Variants in STRBP observed in about 807,000 individuals in gnomAD.
STRBP encodes the protein spermatid perinuclear RNA binding protein.
STRBP carries 13 observed loss-of-function variants against 80.1 expected under a neutral mutation model. The ratio of observed to expected loss-of-function variants is 0.16; its 90% CI spans 0.11 to 0.26. The LOEUF is 0.26. STRBP is among the 10% of genes least tolerant of loss of function. The probability of loss-of-function intolerance (pLI) is 1.00; values close to 1 mark genes in which losing one functional copy is unlikely to be tolerated. For missense variants in STRBP, 485 were observed against 815.2 expected, an observed-to-expected ratio of 0.59 and a Z score of 4.93; for synonymous variants, 284 against 291.2, an observed-to-expected ratio of 0.98 and a Z score of 0.25.
At chr9:123,258,529 C>T (rs892820540) in intron 1 of STRBP, among the ~76,000 whole-genome samples, 58 of 152,158 alleles carry the variant, frequency 3.8e-4, no homozygotes, top group Non-Finnish European at 1.6e-4. Context: ...GAAGGCCAGG[C>T]GTGGTGGCTC....
intron 3 of STRBP, chr9:123,113,180 G>GT (rs373044661): frequency 3.7e-4 from 62 of 167,262 alleles, no homozygotes; most frequent in African/African-American, 1.4e-3. Flanking sequence ...CACAGACATG[G>GT]TCCTCCATAG....
chr9:123,194,679 T>G (rs2039034544), intron 2 of STRBP, among the ~76,000 whole-genome samples: 1 of 152,040 alleles, frequency 6.6e-6, no homozygotes, highest in African/African-American at 2.4e-5. Context: ...TCAAAACAGC[T>G]CTTGTCAAGG....
chr9:123,139,745 C>A (rs1445158988), intron 13 of STRBP, 58 bp from the exon 14 acceptor site: 23 of 1,548,340 alleles, frequency 1.5e-5, no homozygotes, highest in African/African-American at 4.1e-5. Flanking sequence ...AGAGAATAGA[C>A]AAAATATTGA....
chr9:123,179,307 G>T, intron 3 of STRBP, 80 bp from the exon 4 acceptor site: 1 of 1,227,320 alleles, frequency 8.1e-7, no homozygotes, highest in Non-Finnish European at 1.1e-6. Flanking sequence ...TATATCTTTA[G>T]CCAACCCATA....
chr9:123,123,261 G>A lies in STRBP; in HGVS notation c.*2336C>T, dbSNP rs544946707. ...GAAGCAAAACTTCATGTTAATCTCAGGCAATTTGGTGAAGCCAAGAGCTTC... is the reference window on the plus strand; with the variant it reads ...GAAGCAAAACTTCATGTTAATCTCAAGCAATTTGGTGAAGCCAAGAGCTTC... On this transcript the variant is annotated 3_prime_UTR_variant, in exon 19 of 19. Coordinates refer to ENST00000348403, the MANE Select transcript of STRBP (RefSeq NM_018387.5). 98 of 985,374 alleles carry A rather than the reference G, an allele frequency of 9.9e-5. No homozygotes were observed. In the Admixed American group the frequency reaches 1.7e-3, roughly 17 times the overall value. The allele number at this position is 985,374 out of a possible 1,614,324, so 61.0% of individuals were successfully genotyped here.
At chr9:123,216,387 A>G (rs973604517) in intron 2 of STRBP, among the ~76,000 whole-genome samples, 9 of 152,228 alleles carry the variant, frequency 5.9e-5, no homozygotes, top group Non-Finnish European at 1.3e-4. Flanking sequence ...AAATGAATAA[A>G]TGATTGATGA....
rs138766974 is a variant in STRBP, at chr9:123,157,294, C to T, written c.1045+718G>A. Among the ~76,000 whole-genome samples, 392 of 152,254 alleles carry T rather than the reference C, an allele frequency of 2.6e-3. 1 individual carries two copies. The highest frequency in any genetic ancestry group is 8.3e-3 in the African/African-American group (346 of 41,572). ...TCCAAGCTTGAGAAAGATAATCAAA[C>T]TGATTAGTGATAGTGATAACGTCTC... On this transcript the variant is annotated intron_variant, in intron 11 of 18. Coordinates refer to ENST00000348403, the MANE Select transcript of STRBP (RefSeq NM_018387.5).
At chr9:123,161,877 A>G (rs1438336913) in intron 6 of STRBP, among the ~76,000 whole-genome samples, 1 of 152,266 alleles carries the variant, frequency 6.6e-6, no homozygotes, top group African/African-American at 2.4e-5. Context: ...TTAGACAGCC[A>G]AATTTATCTC....
intron 11 of STRBP, among the ~76,000 whole-genome samples, chr9:123,150,214 T>G (rs556760044): frequency 1.3e-5 from 2 of 152,246 alleles, no homozygotes; most frequent in South Asian, 4.2e-4. Flanking sequence ...GAGAGGGTGC[T>G]AGCAGTAGGT....
chr9:123,178,445 T>C (rs1327826611), intron 4 of STRBP, among the ~76,000 whole-genome samples: 3 of 152,222 alleles, frequency 2.0e-5, no homozygotes, highest in Non-Finnish European at 4.4e-5. Flanking sequence ...ACTTAGAATA[T>C]GCTACTATAA....
chr9:123,125,701 C>T (rs752607319), intron 18 of STRBP, 28 bp from the exon 19 acceptor site: 1 of 1,562,500 alleles, frequency 6.4e-7, no homozygotes, highest in African/African-American at 1.4e-5. Flanking sequence ...GGAGAGGACT[C>T]CAAATAAGTT....
intron 13 of STRBP, among the ~76,000 whole-genome samples, chr9:123,142,075 A>G (rs187775042): frequency 4.6e-5 from 7 of 151,910 alleles, no homozygotes; most frequent in Admixed American, 4.6e-4. Flanking sequence ...ACCCTCCATC[A>G]CCCTTGGTAT....
At chr9:123,200,501 T>C (rs1001372142) in intron 2 of STRBP, among the ~76,000 whole-genome samples, 5 of 151,978 alleles carry the variant, frequency 3.3e-5, no homozygotes, top group Admixed American at 6.5e-5. Flanking sequence ...ACCAAGTCTC[T>C]GAATGTCTGG....
chr9:123,181,233 T>G (rs1022180623), intron 3 of STRBP, among the ~76,000 whole-genome samples: 1 of 152,174 alleles, frequency 6.6e-6, no homozygotes, highest in African/African-American at 2.4e-5. Flanking sequence ...ACAAATTTTT[T>G]AAACACTTAG....
At chr9:123,175,523 A>C (rs553379657) in intron 4 of STRBP, among the ~76,000 whole-genome samples, 1 of 152,352 alleles carries the variant, frequency 6.6e-6, no homozygotes, top group Admixed American at 6.5e-5. Context: ...ACATTAAATC[A>C]ATGAAAAATG....
At chr9:123,144,064 G>A (rs2036704758) in intron 13 of STRBP, among the ~76,000 whole-genome samples, 1 of 151,958 alleles carries the variant, frequency 6.6e-6, no homozygotes, top group Admixed American at 6.6e-5. Context: ...TGGGCGTGGT[G>A]GCAGTCGCCT....
rs767548336 is a variant in STRBP at position 123,125,691 on chromosome 9, G to A, written c.1943-18C>T. 1.9e-6 allele frequency: 3 copies of A among 1,584,448 alleles called. No homozygotes were observed. The highest frequency in any genetic ancestry group is 1.8e-5 in the Admixed American group (1 of 55,462). On this transcript the variant is annotated intron_variant, in intron 18 of 18. Transcript: ENST00000348403. ...GGGTAAACCTACAGAGAAAAGAAACGGAGAGGACTCCAAATAAGTTTTAAT... is the reference window on the plus strand; with the variant it reads ...GGGTAAACCTACAGAGAAAAGAAACAGAGAGGACTCCAAATAAGTTTTAAT...
chr9:123,234,680 C>T (rs1033623683), intron 2 of STRBP, among the ~76,000 whole-genome samples: 1 of 152,074 alleles, frequency 6.6e-6, no homozygotes, highest in African/African-American at 2.4e-5. Context: ...TTTGTTCAGG[C>T]CGAGCGAGGT....
chr9:123,123,369 C>T lies in STRBP; in HGVS notation c.*2228G>A. The T allele has an allele frequency of 2.0e-6, 2 of 985,330 alleles. No homozygotes were observed. Among genetic ancestry groups the T allele is most frequent in the Non-Finnish European group, 2.4e-6 (2 of 829,910 alleles). 61.0% of individuals were successfully genotyped at this position (985,330 alleles called of 1,614,324 possible). A position where few individuals can be genotyped will look rare whatever the true frequency, so the allele number is the denominator to read the frequency against. On this transcript the variant is annotated 3_prime_UTR_variant, in exon 19 of 19. Coordinates refer to ENST00000348403, the MANE Select transcript of STRBP (RefSeq NM_018387.5). Reference sequence around the variant, plus strand: ...GTGGGAAGGGCAACAGGTGGGGGGACACTTAATTCATTACAGAATTTAAAC... The same window carrying T: ...GTGGGAAGGGCAACAGGTGGGGGGATACTTAATTCATTACAGAATTTAAAC...
Sources: gnomAD v4.1 joint callset for allele counts (sites outside exome capture counted in the v4.1 genomes callset) on GRCh38, gnomAD v4.1.1 for gene constraint, MANE v1.5 for transcripts, NCBI Gene and HGNC (gene_info 2026-07-23, HGNC 2026-07-21) for gene names.